Variants in TACR3 observed in about 807,000 individuals in gnomAD.
TACR3 encodes neuromedin-K receptor.
TACR3 carries 34 observed loss-of-function variants against 35.0 expected under a neutral mutation model. The observed-to-expected ratio is 0.97, with a 90% CI of 0.74 to 1.30. TACR3 has a LOEUF of 1.30. TACR3 is among the 50% of genes most tolerant of loss of function. TACR3 has a pLI of 0.00. For missense variants in TACR3, 558 were observed against 591.7 expected, an observed-to-expected ratio of 0.94 and a Z score of 0.59; for synonymous variants, 233 against 221.1, an observed-to-expected ratio of 1.05 and a Z score of -0.48.
chr4:103,607,262 TA>T (rs1180003424), intron 3 of TACR3, among the ~76,000 whole-genome samples: 4 of 152,154 alleles, frequency 2.6e-5, no homozygotes, highest in African/African-American at 4.8e-5. Flanking sequence ...GCCTATGCAT[TA>T]TTCATTTTGT....
At chr4:103,632,236 T>G (rs1016479477) in intron 3 of TACR3, among the ~76,000 whole-genome samples, 1 of 152,090 alleles carries the variant, frequency 6.6e-6, no homozygotes, top group African/African-American at 2.4e-5. Context: ...ACAGAAAACA[T>G]TGAAACAAAT....
In TACR3 at chr4:103,704,027, C is replaced by A. The variant is rs563578768; in HGVS notation, c.548+15101G>T. Among the ~76,000 whole-genome samples, 79 of 145,942 alleles carry A rather than the reference C, an allele frequency of 5.4e-4. 1 individual carries two copies. The highest frequency in any genetic ancestry group is 1.1e-3 in the Non-Finnish European group (71 of 67,484). On this transcript the variant is annotated intron_variant, in intron 1 of 4. Transcript: ENST00000304883. ...GCTGAGGCAGGAGAATGGAGTGAAC[C>A]CGGCAGGCGGAGCTTGCAGTGAGCC...
rs767300479 is a variant in TACR3 at position 103,658,424 on chromosome 4, C to G, written c.549-21G>C. The G allele has an allele frequency of 5.2e-5, 84 of 1,607,474 alleles. 1 individual carries two copies. The Admixed American group carries it at 1.4e-3, about 27-fold the overall frequency. On this transcript the variant is annotated intron_variant, in intron 1 of 4. Transcript: ENST00000304883. ...TATACCTATATAAAAACAAACAAAACCATTTCATTGGTTTTCTTTATAACA... is the reference window on the plus strand; with the variant it reads ...TATACCTATATAAAAACAAACAAAAGCATTTCATTGGTTTTCTTTATAACA...
Position 103,591,474 on chromosome 4 carries a change from GT to G in TACR3, c.1085+12del. 1 of 1,613,500 alleles carries G rather than the reference GT, an allele frequency of 6.2e-7. No individual in the cohort carries two copies. The highest frequency in any genetic ancestry group is 8.5e-7 in the Non-Finnish European group (1 of 1,179,588). ...TGTGACAAGCAACTTGCATTTCGTA[GT>G]TTTGTTTTTACCTTTTATTCAGACA... On this transcript the variant is annotated intron_variant, in intron 4 of 4. Coordinates refer to ENST00000304883, the MANE Select transcript of TACR3 (RefSeq NM_001059.3).
intron 3 of TACR3, among the ~76,000 whole-genome samples, chr4:103,650,666 AT>A (rs1180854847): frequency 7.0e-4 from 18 of 25,762 alleles, no homozygotes; most frequent in South Asian, 2.0e-3. Context: ...ATATATATAA[AT>A]AAATATATAT....
chr4:103,715,362 C>G (rs983193276), intron 1 of TACR3, among the ~76,000 whole-genome samples: 1 of 152,134 alleles, frequency 6.6e-6, no homozygotes, highest in East Asian at 1.9e-4. Context: ...CACATTCCCT[C>G]TCTCACTCTT....
rs1488514541 is a variant in TACR3, at chr4:103,595,958, T to G, written c.889-4275A>C. On this transcript the variant is annotated intron_variant, in intron 3 of 4. Transcript: ENST00000304883. The stretch of plus-strand genomic sequence containing the variant: ...ATGTTCCCCTTCCTGTGTCCATATG[T>G]TCTCATTGTTCAATACCCACCTATG... Among the ~76,000 whole-genome samples the G allele has an allele frequency of 7.0e-5, 10 of 143,828 alleles. No individual in the cohort carries two copies. The East Asian group carries it at 2.2e-3, about 31-fold the overall frequency. The allele number at this position is 143,828 out of a possible 152,430, so 94.4% of individuals were successfully genotyped here. A position where few individuals can be genotyped will look rare whatever the true frequency, so the allele number is the denominator to read the frequency against.
intron 1 of TACR3, among the ~76,000 whole-genome samples, chr4:103,683,550 A>G (rs1284054081): frequency 5.3e-5 from 8 of 151,308 alleles, no homozygotes; most frequent in African/African-American, 1.9e-4. Context: ...ATACTACTAC[A>G]GAGAAACAGG....
At position 103,588,779 on chromosome 4, in the gene TACR3, C is replaced by G. The variant is rs764741918; in HGVS notation, c.*903G>C. ...GGAGTTGCCTTTGAAGATATTTTCT[C>G]CTAGTCCTTATTCTATTTTCAGTGA... On this transcript the variant is annotated 3_prime_UTR_variant, in exon 5 of 5. Coordinates refer to ENST00000304883, the MANE Select transcript of TACR3 (RefSeq NM_001059.3). The G allele has an allele frequency of 6.6e-6, 1 of 151,944 alleles. No individual in the cohort carries two copies. 9.4% of individuals were successfully genotyped at this position (151,944 alleles called of 1,614,324 possible).
rs191137927 is a variant in TACR3, at chr4:103,628,921, C to A, written c.888+27273G>T. Among the ~76,000 whole-genome samples the A allele has an allele frequency of 9.2e-3, 1,399 of 152,270 alleles. 7 individuals carry two copies. Among genetic ancestry groups the A allele is most frequent in the Non-Finnish European group, 0.015 (1,002 of 68,018 alleles). ...TACTGACAAACTGAATCCAGCAGCA[C>A]ATCAAAAAGCTTAACCACCACAATC... is the stretch of plus-strand genomic sequence containing the variant. On this transcript the variant is annotated intron_variant, in intron 3 of 4. Transcript: ENST00000304883.
At chr4:103,675,723 G>C (rs1578252927) in intron 1 of TACR3, among the ~76,000 whole-genome samples, 1 of 152,082 alleles carries the variant, frequency 6.6e-6, no homozygotes, top group African/African-American at 2.4e-5. Flanking sequence ...AGGAGTGGTA[G>C]ACACGTCCGA....
Position 103,650,830 on chromosome 4 carries a change from T to C in TACR3, c.888+5364A>G, listed in dbSNP as rs1256179470. On this transcript the variant is annotated intron_variant, in intron 3 of 4. Transcript: ENST00000304883. ...TATAATAATATATTATATAATAATA[T>C]ATATATCTTATATATAATAATATAT... Among the ~76,000 whole-genome samples, 2 of 41,662 alleles carry C rather than the reference T, an allele frequency of 4.8e-5. 1 individual carries two copies. Among genetic ancestry groups the C allele is most frequent in the Non-Finnish European group, 7.5e-5 (2 of 26,636 alleles). The allele number at this position is 41,662 out of a possible 152,430, so 27.3% of individuals were successfully genotyped here.
chr4:103,619,789 T>C (rs1215576143), intron 3 of TACR3, among the ~76,000 whole-genome samples: 3 of 152,252 alleles, frequency 2.0e-5, no homozygotes, highest in African/African-American at 7.2e-5. Flanking sequence ...ATATGATTTG[T>C]GCTATTGATT....
intron 1 of TACR3, among the ~76,000 whole-genome samples, chr4:103,667,944 T>C (rs1725968390): frequency 6.6e-6 from 1 of 152,098 alleles, no homozygotes; most frequent in African/African-American, 2.4e-5. Flanking sequence ...TCCTCCCACC[T>C]CAGTCTCCTG....
intron 1 of TACR3, among the ~76,000 whole-genome samples, chr4:103,700,168 A>T (rs1055935624): frequency 2.0e-5 from 3 of 152,234 alleles, no homozygotes; most frequent in Non-Finnish European, 2.9e-5. Flanking sequence ...GTGTTTCCAG[A>T]TTTCTGTGGT....
chr4:103,661,075 G>T (rs979562717), intron 1 of TACR3, among the ~76,000 whole-genome samples: 1 of 151,876 alleles, frequency 6.6e-6, no homozygotes, highest in Non-Finnish European at 1.5e-5. Flanking sequence ...AGTCTTCAAA[G>T]ACAATATAGA....
chr4:103,688,094 C>T (rs1281499117), intron 1 of TACR3, among the ~76,000 whole-genome samples: 3 of 152,156 alleles, frequency 2.0e-5, no homozygotes, highest in African/African-American at 2.4e-5. Flanking sequence ...AATAATGCCG[C>T]ATATCTACAA....
intron 1 of TACR3, among the ~76,000 whole-genome samples, chr4:103,660,713 A>G (rs1460671203): frequency 6.6e-6 from 1 of 152,104 alleles, no homozygotes; most frequent in Non-Finnish European, 1.5e-5. Context: ...TTACAGAAAG[A>G]GAAAAGAAAA....
At chr4:103,702,845 G>C (rs1210401546) in intron 1 of TACR3, among the ~76,000 whole-genome samples, 2 of 138,778 alleles carry the variant, frequency 1.4e-5, no homozygotes, top group East Asian at 2.2e-4. Flanking sequence ...GGTGGGAATT[G>C]AACAATGAGA....
Sources: gnomAD v4.1 joint callset for allele counts (sites outside exome capture counted in the v4.1 genomes callset) on GRCh38, gnomAD v4.1.1 for gene constraint, MANE v1.5 for transcripts, NCBI Gene and HGNC (gene_info 2026-07-23, HGNC 2026-07-21) for gene names.